The following NRXN1 variants were observed in gnomAD, a reference collection of about 807,000 sequenced individuals.
NRXN1 encodes neurexin-1.
Under a neutral mutation model 150.9 loss-of-function variants are expected in NRXN1, and 39 were observed. The observed-to-expected ratio is 0.26, with a 90% CI of 0.20 to 0.34. The LOEUF (loss-of-function observed/expected upper bound fraction) is 0.34. NRXN1 is among the 10% of genes least tolerant of loss of function. NRXN1 has a pLI of 1.00. For synonymous variants in NRXN1, 924 were observed against 757.0 expected (o/e 1.22, Z -3.62); for missense variants, 1,815 against 1,949.9 (o/e 0.93, Z 1.30).
intron 21 of NRXN1, among the ~76,000 whole-genome samples, chr2:50,013,796 A>G (rs896340603): frequency 9.8e-5 from 15 of 152,310 alleles, no homozygotes; most frequent in African/African-American, 3.6e-4. Flanking sequence ...ATGTGGGCAC[A>G]GCATTAATGA....
chr2:50,405,383 G>C (rs944373071), intron 17 of NRXN1, among the ~76,000 whole-genome samples: 2 of 152,074 alleles, frequency 1.3e-5, no homozygotes, highest in African/African-American at 4.8e-5. Flanking sequence ...CAAATGCTAG[G>C]TTTGGCATAG....
At chr2:50,719,393 G>A (rs1696316164) in intron 5 of NRXN1, among the ~76,000 whole-genome samples, 1 of 151,868 alleles carries the variant, frequency 6.6e-6, no homozygotes, top group Non-Finnish European at 1.5e-5. Context: ...TCGTTTTCCG[G>A]CTGGGTGCGG....
intron 5 of NRXN1, among the ~76,000 whole-genome samples, chr2:50,651,595 C>T (rs1165291071): frequency 6.6e-6 from 1 of 151,958 alleles, no homozygotes; most frequent in Non-Finnish European, 1.5e-5. Flanking sequence ...GAGATGGAGG[C>T]TGCAGCGAGC....
chr2:50,713,673 A>G (rs1695490542), intron 5 of NRXN1, among the ~76,000 whole-genome samples: 1 of 152,176 alleles, frequency 6.6e-6, no homozygotes, highest in South Asian at 2.1e-4. Context: ...TATGTGTCCA[A>G]ATGTACTTCG....
At chr2:50,253,616 C>T (rs1157431368) in intron 17 of NRXN1, among the ~76,000 whole-genome samples, 3 of 152,062 alleles carry the variant, frequency 2.0e-5, no homozygotes, top group Admixed American at 6.6e-5. Flanking sequence ...GAGTTTTTAA[C>T]GTAAAGGGAT....
Position 50,454,043 on chromosome 2 carries a change from A to T in NRXN1, c.3364+11399T>A, listed in dbSNP as rs529593585. 2.0e-4 allele frequency among the ~76,000 whole-genome samples: 31 copies of T among 152,274 alleles called. No homozygotes were observed. The East Asian group carries it at 5.8e-3, about 29-fold the overall frequency. ...GTTGTCAAAATTAATATGATAATATACAGGCCAGGTGAGGTGGCTCACGCC... is the reference window on the plus strand; with the variant it reads ...GTTGTCAAAATTAATATGATAATATTCAGGCCAGGTGAGGTGGCTCACGCC... On this transcript the variant is annotated intron_variant, in intron 17 of 22. Transcript: ENST00000401669.
rs189144677 is a variant in NRXN1, at chr2:50,510,200, A to G, written c.2375-3583T>C. Among the ~76,000 whole-genome samples the G allele has an allele frequency of 1.3e-4, 20 of 152,338 alleles. No homozygotes were observed. In the East Asian group the frequency reaches 3.3e-3, roughly 25 times the overall value. Reference sequence around the variant, plus strand: ...ATTTTAAAGACTTTTAAGAAAGTCTATAGCTGGCTGGGCATGGTGGCTCTC... The same window carrying G: ...ATTTTAAAGACTTTTAAGAAAGTCTGTAGCTGGCTGGGCATGGTGGCTCTC... On this transcript the variant is annotated intron_variant, in intron 12 of 22. Transcript: ENST00000401669.
At chr2:50,272,422 GA>G in intron 17 of NRXN1, among the ~76,000 whole-genome samples, 1 of 152,222 alleles carries the variant, frequency 6.6e-6, no homozygotes, top group East Asian at 1.9e-4. Flanking sequence ...ACTTGATACT[GA>G]AAACAACAGC....
At chr2:50,348,925 C>T (rs1424404245) in intron 17 of NRXN1, among the ~76,000 whole-genome samples, 3 of 151,956 alleles carry the variant, frequency 2.0e-5, no homozygotes, top group Non-Finnish European at 4.4e-5. Flanking sequence ...TCACCATCTA[C>T]ATAATTGTTA....
chr2:51,005,546 T>C (rs1479061543), intron 2 of NRXN1, among the ~76,000 whole-genome samples: 1 of 151,878 alleles, frequency 6.6e-6, no homozygotes, highest in Non-Finnish European at 1.5e-5. Context: ...AAGAAATGTT[T>C]AAGAAAGTCT....
intron 18 of NRXN1, among the ~76,000 whole-genome samples, chr2:50,115,497 C>T (rs2152729977): frequency 6.6e-6 from 1 of 152,022 alleles, no homozygotes; most frequent in African/African-American, 2.4e-5. Flanking sequence ...CTATTATTAT[C>T]TCTATTTTGT....
intron 5 of NRXN1, among the ~76,000 whole-genome samples, chr2:50,905,266 T>C (rs973634876): frequency 5.9e-5 from 9 of 152,132 alleles, no homozygotes; most frequent in African/African-American, 2.2e-4. Context: ...AATGGCAGCA[T>C]CCATCCCCAA....
At chr2:50,388,129 C>T (rs1159045061) in intron 17 of NRXN1, among the ~76,000 whole-genome samples, 1 of 152,074 alleles carries the variant, frequency 6.6e-6, no homozygotes, top group Non-Finnish European at 1.5e-5. Flanking sequence ...ACCAACTATA[C>T]CAGGTAGAAA....
intron 18 of NRXN1, among the ~76,000 whole-genome samples, chr2:50,101,578 A>C (rs1005657353): frequency 6.6e-6 from 1 of 152,050 alleles, no homozygotes; most frequent in Non-Finnish European, 1.5e-5. Context: ...TCTGCATGGC[A>C]AATGTAACCT....
chr2:50,216,175 C>A (rs952620203), intron 18 of NRXN1, among the ~76,000 whole-genome samples: 1 of 151,838 alleles, frequency 6.6e-6, no homozygotes, highest in African/African-American at 2.4e-5. Flanking sequence ...GAGCTATGAT[C>A]CCACCACGGC....
At chr2:50,318,883 C>T (rs573537993) in intron 17 of NRXN1, among the ~76,000 whole-genome samples, 106 of 152,016 alleles carry the variant, frequency 7.0e-4, no homozygotes, top group Admixed American at 1.2e-3. Flanking sequence ...CATGTGCTGG[C>T]CACAAAGTTT....
At chr2:50,792,670 A>G (rs938798717) in intron 5 of NRXN1, among the ~76,000 whole-genome samples, 7 of 152,034 alleles carry the variant, frequency 4.6e-5, no homozygotes, top group African/African-American at 1.7e-4. Flanking sequence ...TTTACCAAAA[A>G]CAGAACTTTT....
chr2:50,813,921 T>G (rs1047254053), intron 5 of NRXN1, among the ~76,000 whole-genome samples: 2 of 151,058 alleles, frequency 1.3e-5, no homozygotes, highest in African/African-American at 2.4e-5. Context: ...TAATATATTT[T>G]TTATTAAGAA....
At chr2:50,114,815 A>T (rs1472467218) in intron 18 of NRXN1, among the ~76,000 whole-genome samples, 1 of 152,046 alleles carries the variant, frequency 6.6e-6, no homozygotes, top group East Asian at 1.9e-4. Context: ...AAAAGGATAA[A>T]CTATAGAGAC....
Sources: gnomAD v4.1 joint callset for allele counts (sites outside exome capture counted in the v4.1 genomes callset) on GRCh38, gnomAD v4.1.1 for gene constraint, MANE v1.5 for transcripts, NCBI Gene and HGNC (gene_info 2026-07-23, HGNC 2026-07-21) for gene names.